The following PALS2 variants were observed in gnomAD, a reference collection of about 807,000 sequenced individuals.
The protein encoded by PALS2 is protein PALS2.
In PALS2, 27 loss-of-function variants were observed where a neutral mutation model predicts 61.6. The observed-to-expected ratio is 0.44, with a 90% CI of 0.32 to 0.60. PALS2 has a LOEUF of 0.60. Among genes scored for constraint, PALS2 ranks in the 20% least tolerant of loss-of-function variants. The pLI is 0.05. For missense variants in PALS2, 554 were observed against 639.4 expected (o/e 0.87, Z 1.44); for synonymous variants, 236 against 218.6 (o/e 1.08, Z -0.70).
At chr7:24,641,006 T>TCAAAA (rs1785519818) in intron 2 of PALS2, among the ~76,000 whole-genome samples, 6 of 25,536 alleles carry the variant, frequency 2.3e-4, no homozygotes, top group African/African-American at 3.7e-4. Flanking sequence ...AGACTCCATC[T>TCAAAA]CAAAAAAAAA....
rs1782551894 is a variant in PALS2 at position 24,573,966 on chromosome 7, G to A, written c.-3+373G>A. The A allele has an allele frequency of 6.6e-6, 1 of 152,278 alleles. No individual in the cohort carries two copies. Among genetic ancestry groups the A allele is most frequent in the South Asian group, 2.1e-4 (1 of 4,838 alleles). The allele number at this position is 152,278 out of a possible 1,614,324, so 9.4% of individuals were successfully genotyped here. The stretch of plus-strand genomic sequence containing the variant: ...CGACTGGGGCTAGGGCCGCAGACGC[G>A]CGGGGCCCCTTCGGGCGCGGGGCTT... On this transcript the variant is annotated intron_variant, in intron 1 of 11. Coordinates refer to ENST00000222644, the MANE Select transcript of PALS2 (RefSeq NM_001303037.2). This position sits in a 1 kb window ranked among gnomAD's most constrained non-coding sequence, Gnocchi z 5.3.
At chr7:24,658,772 G>T (rs1015687518) in intron 5 of PALS2, among the ~76,000 whole-genome samples, 6 of 151,834 alleles carry the variant, frequency 4.0e-5, no homozygotes, top group Non-Finnish European at 7.4e-5. Flanking sequence ...GGCCAGGATG[G>T]TCTCGATCTC....
chr7:24,662,026 A>G (rs768544123), intron 5 of PALS2, among the ~76,000 whole-genome samples: 23 of 152,260 alleles, frequency 1.5e-4, no homozygotes, highest in Admixed American at 3.9e-4. Flanking sequence ...AAGTTAGCCA[A>G]TTGTCACACT....
intron 5 of PALS2, among the ~76,000 whole-genome samples, chr7:24,660,114 C>T (rs574109052): frequency 6.0e-4 from 91 of 152,286 alleles, no homozygotes; most frequent in African/African-American, 2.1e-3. Flanking sequence ...GACATTGTTT[C>T]ACATATTTTG....
chr7:24,673,456 G>T (rs1351269197), intron 9 of PALS2, among the ~76,000 whole-genome samples: 1 of 152,200 alleles, frequency 6.6e-6, no homozygotes, highest in East Asian at 1.9e-4. Context: ...TGTTTGGGAA[G>T]AGTATGTGAA....
At chr7:24,649,559 C>G in intron 3 of PALS2, 53 bp from the exon 4 acceptor site, 1 of 1,431,204 alleles carries the variant, frequency 7.0e-7, no homozygotes, top group South Asian at 1.8e-5. Context: ...CTTTTAGTAA[C>G]AAATTTCATC....
intron 4 of PALS2, 41 bp from the exon 5 acceptor site, chr7:24,650,444 C>T: frequency 6.9e-7 from 1 of 1,440,524 alleles, no homozygotes; most frequent in South Asian, 1.3e-5. Flanking sequence ...AAGCATTTCT[C>T]CCTAATAATT....
intron 1 of PALS2, chr7:24,620,307 T>C (rs1784445988): frequency 6.6e-6 from 1 of 152,222 alleles, no homozygotes; most frequent in African/African-American, 2.4e-5. Context: ...GGTTTTTCTT[T>C]ATCGTTTCAT....
intron 2 of PALS2, among the ~76,000 whole-genome samples, chr7:24,629,054 C>CA (rs1378118662): frequency 2.6e-5 from 4 of 152,086 alleles, no homozygotes; most frequent in Non-Finnish European, 5.9e-5. Flanking sequence ...GCAAAAAGAA[C>CA]AAAGCTGGAG....
intron 5 of PALS2, among the ~76,000 whole-genome samples, chr7:24,657,475 A>G (rs886920914): frequency 9.9e-5 from 15 of 152,160 alleles, no homozygotes; most frequent in Admixed American, 6.5e-4. Flanking sequence ...AATATTGAAC[A>G]TGTTTTTATG....
intron 3 of PALS2, 30 bp from the exon 4 acceptor site, chr7:24,649,582 A>G: frequency 6.6e-7 from 1 of 1,505,900 alleles, no homozygotes; most frequent in Non-Finnish European, 8.9e-7. Context: ...CATATCATAA[A>G]TAACCACAGG....
At chr7:24,640,802 A>T (rs531274063) in intron 2 of PALS2, among the ~76,000 whole-genome samples, 1 of 152,038 alleles carries the variant, frequency 6.6e-6, no homozygotes, top group South Asian at 2.1e-4. Context: ...AGGTCAGGAG[A>T]TCAAGACCAT....
intron 2 of PALS2, among the ~76,000 whole-genome samples, chr7:24,632,785 C>G (rs74702284): frequency 0.06 from 9,093 of 152,118 alleles, 687 homozygotes; most frequent in East Asian, 0.19. Context: ...TATTTGTTGC[C>G]TGCTTGCCTG....
chr7:24,615,460 A>G (rs73286257), intron 1 of PALS2, among the ~76,000 whole-genome samples: 3,580 of 152,090 alleles, frequency 0.024, 163 homozygotes, highest in African/African-American at 0.082. Context: ...AGGAACAACT[A>G]TATGTCAATA....
At chr7:24,593,351 G>A (rs1472271995) in intron 1 of PALS2, among the ~76,000 whole-genome samples, 1 of 152,028 alleles carries the variant, frequency 6.6e-6, no homozygotes, top group African/African-American at 2.4e-5. Flanking sequence ...GATGAGAGTT[G>A]GACTCAGCTT....
At position 24,689,997 on chromosome 7, in the gene PALS2, T is replaced by G. The variant is rs1242515821; in HGVS notation, c.*2383T>G. The G allele has an allele frequency of 6.6e-6, 1 of 152,260 alleles. No homozygotes were observed. Among genetic ancestry groups the G allele is most frequent in the African/African-American group, 2.4e-5 (1 of 41,478 alleles). The allele number at this position is 152,260 out of a possible 1,614,324, so 9.4% of individuals were successfully genotyped here. On this transcript the variant is annotated 3_prime_UTR_variant, in exon 12 of 12. Coordinates refer to ENST00000222644, the MANE Select transcript of PALS2 (RefSeq NM_001303037.2). ...GACTTTTACATCATGTATATTAGCC[T>G]TATGTGATATAAAATGTATTACTTA... is the stretch of plus-strand genomic sequence containing the variant.
At chr7:24,636,185 C>T (rs1021090972) in intron 2 of PALS2, among the ~76,000 whole-genome samples, 5 of 145,334 alleles carry the variant, frequency 3.4e-5, no homozygotes, top group Non-Finnish European at 7.4e-5. Context: ...GCACTCCAGC[C>T]TGGGCAACAA....
intron 9 of PALS2, among the ~76,000 whole-genome samples, chr7:24,676,355 C>G (rs7795174): frequency 0.39 from 58,471 of 148,592 alleles, 15,881 homozygotes; most frequent in African/African-American, 0.78. Flanking sequence ...AGTTTCTTTT[C>G]CTGTGCAGAA....
At chr7:24,651,913 T>C (rs1216315146) in intron 5 of PALS2, among the ~76,000 whole-genome samples, 3 of 152,224 alleles carry the variant, frequency 2.0e-5, no homozygotes, top group Non-Finnish European at 4.4e-5. Flanking sequence ...AAGGATAGAT[T>C]ATTTAGTCAT....
Sources: allele counts gnomAD v4.1 joint callset (sites outside exome capture counted in the v4.1 genomes callset), GRCh38; gene constraint gnomAD v4.1.1; non-coding constraint Gnocchi (gnomAD v3.1); transcripts MANE v1.5; gene names NCBI Gene and HGNC (gene_info 2026-07-23, HGNC 2026-07-21).